KIF5C: variants seen among roughly 807,000 people sequenced by gnomAD.
KIF5C encodes the protein kinesin heavy chain isoform 5C.
Under a neutral mutation model 125.2 loss-of-function variants are expected in KIF5C, and 18 were observed. The ratio of observed to expected loss-of-function variants is 0.14; its 90% CI spans 0.10 to 0.21. The LOEUF is 0.21. KIF5C is among the 10% of genes least tolerant of loss of function. The pLI is 1.00. For synonymous variants in KIF5C, 405 were observed against 434.0 expected (o/e 0.93, Z 0.83); for missense variants, 780 against 1,183.8 (o/e 0.66, Z 5.01).
intron 12 of KIF5C, among the ~76,000 whole-genome samples, chr2:148,977,416 T>G (rs1381350608): frequency 6.6e-6 from 1 of 152,228 alleles, no homozygotes; most frequent in African/African-American, 2.4e-5. Flanking sequence ...TCTCCGATGG[T>G]AAATTCTTTG....
At chr2:148,998,666 G>T (rs1350700683) in intron 19 of KIF5C, 157 bp downstream of exon 19, 6 of 1,252,100 alleles carry the variant, frequency 4.8e-6, no homozygotes, top group South Asian at 1.5e-5. Context: ...TGCTTCCAAG[G>T]TCTGTTCTCC....
chr2:148,957,348 T>C lies in KIF5C; in HGVS notation c.969-4623T>C, dbSNP rs139212705. Among the ~76,000 whole-genome samples, 941 of 152,228 alleles carry C rather than the reference T, an allele frequency of 6.2e-3. 17 individuals carry two copies. The Middle Eastern group carries it at 0.065, about 10-fold the overall frequency. ...CTGATTTTTTTTTCTTTTTTTCCTCTGAAATCAGTTAAAGCTAATTAAGGG... is the reference window on the plus strand; with the variant it reads ...CTGATTTTTTTTTCTTTTTTTCCTCCGAAATCAGTTAAAGCTAATTAAGGG... On this transcript the variant is annotated intron_variant, in intron 10 of 25. Transcript: ENST00000435030.
rs756751288 is a variant in KIF5C at position 148,875,614 on chromosome 2, C to G, written c.-4C>G. ...CCCGTGCCCCCTCCCTACCGCCGGC[C>G]GAGATGGCGGATCCAGCCGAATGCA... On this transcript the variant is annotated 5_prime_UTR_variant, in exon 1 of 26. Transcript: ENST00000435030. 3.9e-6 allele frequency: 6 copies of G among 1,542,072 alleles called. No homozygotes were observed. In the East Asian group the frequency reaches 7.5e-5, roughly 19 times the overall value.
chr2:148,901,908 A>G (rs1680918744), intron 1 of KIF5C, among the ~76,000 whole-genome samples: 1 of 152,234 alleles, frequency 6.6e-6, no homozygotes, highest in African/African-American at 2.4e-5. Context: ...TAAAGAGTCA[A>G]TAGCCCCTGC....
chr2:148,889,496 G>A (rs928823334), intron 1 of KIF5C, among the ~76,000 whole-genome samples: 4 of 152,170 alleles, frequency 2.6e-5, no homozygotes, highest in Non-Finnish European at 5.9e-5. Flanking sequence ...AATTGGTGGA[G>A]GAATTGGTTG....
At chr2:149,003,677 A>C (rs1681920554) in intron 21 of KIF5C, among the ~76,000 whole-genome samples, 1 of 152,244 alleles carries the variant, frequency 6.6e-6, no homozygotes, top group Admixed American at 6.5e-5. Flanking sequence ...CAGTGTGCAT[A>C]AATAAAAGGG....
chr2:148,961,284 G>C (rs1682918248), intron 10 of KIF5C, among the ~76,000 whole-genome samples: 1 of 152,086 alleles, frequency 6.6e-6, no homozygotes, highest in African/African-American at 2.4e-5. Flanking sequence ...GCATGGTGAT[G>C]ACGGGCTGTG....
chr2:148,951,556 T>C lies in KIF5C; in HGVS notation c.968+1094T>C, dbSNP rs184719158. Among the ~76,000 whole-genome samples the C allele has an allele frequency of 3.9e-5, 6 of 152,306 alleles. No homozygotes were observed. The East Asian group carries it at 1.2e-3, about 29-fold the overall frequency. ...TTCAGCCCTCGTGCCTCAGTGTTCA[T>C]TCCCAGAGTGCTTGCGGTTCTGTGG... is the stretch of plus-strand genomic sequence containing the variant. On this transcript the variant is annotated intron_variant, in intron 10 of 25. Coordinates refer to ENST00000435030, the MANE Select transcript of KIF5C (RefSeq NM_004522.3).
intron 2 of KIF5C, among the ~76,000 whole-genome samples, chr2:148,928,881 A>G (rs937078805): frequency 3.1e-4 from 47 of 152,190 alleles, no homozygotes; most frequent in African/African-American, 9.4e-4. Context: ...TCTTCAGGAA[A>G]GAAATTCTGT....
intron 15 of KIF5C, among the ~76,000 whole-genome samples, chr2:148,985,198 T>A (rs757704278): frequency 3.3e-5 from 5 of 151,862 alleles, no homozygotes; most frequent in Non-Finnish European, 7.4e-5. Flanking sequence ...AGAGATAGAG[T>A]TAAAAATGGT....
intron 1 of KIF5C, among the ~76,000 whole-genome samples, chr2:148,908,535 C>G (rs1681204681): frequency 6.6e-6 from 1 of 152,290 alleles, no homozygotes; most frequent in Non-Finnish European, 1.5e-5. Context: ...GACATGGGCT[C>G]TTGTTCTATC....
chr2:148,926,514 G>T (rs151305225), intron 2 of KIF5C, among the ~76,000 whole-genome samples: 1,898 of 152,336 alleles, frequency 0.012, 43 homozygotes, highest in African/African-American at 0.043. Context: ...CCTTTTGTGG[G>T]CGCTTCTGTG....
At chr2:148,920,823 C>T (rs1681754484) in intron 1 of KIF5C, among the ~76,000 whole-genome samples, 1 of 152,182 alleles carries the variant, frequency 6.6e-6, no homozygotes, top group Non-Finnish European at 1.5e-5. Flanking sequence ...TTCGAGGAGT[C>T]CCACTGTCCT....
At chr2:148,987,279 T>G (rs925028415) in intron 15 of KIF5C, among the ~76,000 whole-genome samples, 1 of 152,192 alleles carries the variant, frequency 6.6e-6, no homozygotes, top group Non-Finnish European at 1.5e-5. Flanking sequence ...CACTTTTATT[T>G]GGAGACTTAA....
chr2:149,016,143 T>A (rs1187376039), intron 25 of KIF5C, among the ~76,000 whole-genome samples: 1 of 152,220 alleles, frequency 6.6e-6, no homozygotes, highest in Non-Finnish European at 1.5e-5. Flanking sequence ...CAGTAGCTCA[T>A]GGATCTGGGA....
At chr2:148,979,196 T>G (rs1395842604) in intron 13 of KIF5C, among the ~76,000 whole-genome samples, 1 of 152,212 alleles carries the variant, frequency 6.6e-6, no homozygotes, top group African/African-American at 2.4e-5. Context: ...CAAAAACCCC[T>G]GATGTTTTGA....
intron 1 of KIF5C, among the ~76,000 whole-genome samples, chr2:148,912,617 T>A (rs1383415863): frequency 6.6e-6 from 1 of 152,188 alleles, no homozygotes; most frequent in Non-Finnish European, 1.5e-5. Context: ...GGCTAATTTT[T>A]AAAAAATATT....
chr2:148,939,002 C>T (rs573014376), intron 4 of KIF5C, among the ~76,000 whole-genome samples: 31 of 150,290 alleles, frequency 2.1e-4, no homozygotes, highest in African/African-American at 6.6e-4. Flanking sequence ...GGCTGAGGCA[C>T]GAGAATCACT....
chr2:148,975,810 T>C (rs954078810), intron 12 of KIF5C, among the ~76,000 whole-genome samples: 4 of 152,238 alleles, frequency 2.6e-5, no homozygotes, highest in Admixed American at 2.0e-4. Context: ...CTGGCCCTGC[T>C]GAAGGTGCTT....
Sources: allele counts gnomAD v4.1 joint callset (sites outside exome capture counted in the v4.1 genomes callset), GRCh38; gene constraint gnomAD v4.1.1; transcripts MANE v1.5; gene names NCBI Gene and HGNC (gene_info 2026-07-23, HGNC 2026-07-21).